GLYATL2: variants seen among roughly 807,000 people sequenced by gnomAD.
GLYATL2 encodes glycine-N-acyltransferase like 2, also known as glycine N-acyltransferase-like protein 2.
In GLYATL2, 25 loss-of-function variants were observed where a neutral mutation model predicts 21.4. The observed-to-expected ratio is 1.17, with a 90% CI of 0.85 to 1.63. The LOEUF (loss-of-function observed/expected upper bound fraction) is 1.63. Among genes scored for constraint, GLYATL2 ranks in the 40% most tolerant of loss-of-function variants. GLYATL2 has a pLI of 0.00. For synonymous variants in GLYATL2, 114 were observed against 118.2 expected (o/e 0.96, Z 0.23); for missense variants, 361 against 343.3 (o/e 1.05, Z -0.41).
At chr11:58,837,593 C>G (rs1853462694) in intron 3 of GLYATL2, among the ~76,000 whole-genome samples, 196 bp from the exon 4 acceptor site, 1 of 152,160 alleles carries the variant, frequency 6.6e-6, no homozygotes, top group African/African-American at 2.4e-5. Context: ...TTTTAGGGCA[C>G]TAAAGTGAGC....
chr11:58,854,464 C>T (rs1476824430), intron 1 of GLYATL2, among the ~76,000 whole-genome samples: 2 of 152,152 alleles, frequency 1.3e-5, no homozygotes, highest in Admixed American at 6.5e-5. Context: ...TAAAAAGTAC[C>T]TATAGTAATT....
chr11:58,885,777 ACACT>A (rs1354862952), intron 1 of GLYATL2, among the ~76,000 whole-genome samples: 7 of 152,196 alleles, frequency 4.6e-5, no homozygotes, highest in African/African-American at 1.7e-4. Flanking sequence ...GACAAGGCTG[ACACT>A]CACAGATTAA....
At chr11:58,849,657 G>T (rs561049484), upstream of GLYATL2, among the ~76,000 whole-genome samples, 8 of 152,294 alleles carry the variant, frequency 5.3e-5, no homozygotes, top group South Asian at 1.7e-3. Flanking sequence ...TCTGAAAAAT[G>T]CAGGAGAAGG....
intron 1 of GLYATL2, among the ~76,000 whole-genome samples, chr11:58,903,634 C>G (rs551776451): frequency 6.6e-6 from 1 of 152,166 alleles, no homozygotes; most frequent in Non-Finnish European, 1.5e-5. Flanking sequence ...GATTGTAACA[C>G]TGCACTCCAG....
At chr11:58,853,186 T>C (rs1267891279) in intron 1 of GLYATL2, among the ~76,000 whole-genome samples, 1 of 152,198 alleles carries the variant, frequency 6.6e-6, no homozygotes, top group Non-Finnish European at 1.5e-5. Flanking sequence ...TTTGAAGGAT[T>C]TGGGGCAATA....
chr11:58,893,126 A>C lies in GLYATL2; in HGVS notation n.60+11030T>G, dbSNP rs1324622938. 3 of 405,498 alleles carry C rather than the reference A, an allele frequency of 7.4e-6. No individual in the cohort carries two copies. The East Asian group carries it at 1.3e-4, about 17-fold the overall frequency. The allele number at this position is 405,498 out of a possible 1,614,324, so 25.1% of individuals were successfully genotyped here. A position where few individuals can be genotyped will look rare whatever the true frequency, so the allele number is the denominator to read the frequency against. Reference sequence around the variant, plus strand: ...GACAACTGGAGGCGAGGGAAGAATGAGAGGAGCCTTCCTTACATCAAGCGC... The same window carrying C: ...GACAACTGGAGGCGAGGGAAGAATGCGAGGAGCCTTCCTTACATCAAGCGC... On this transcript the variant is annotated intron_variant and non_coding_transcript_variant, in intron 1 of 4. Transcript: ENST00000533636.
chr11:58,843,179 G>A lies in GLYATL2; in HGVS notation c.-41+1255C>T, dbSNP rs1853583655. Among the ~76,000 whole-genome samples the A allele has an allele frequency of 2.0e-5, 3 of 152,164 alleles. No homozygotes were observed. In the South Asian group the frequency reaches 6.2e-4, roughly 31 times the overall value. On this transcript the variant is annotated intron_variant, in intron 1 of 5. Transcript: ENST00000287275. Reference sequence around the variant, plus strand: ...GAGTACACAGGGTTAGAAAAAAAGAGCAGAGAGTTGGCAAGTTATTTTTGA... The same window carrying A: ...GAGTACACAGGGTTAGAAAAAAAGAACAGAGAGTTGGCAAGTTATTTTTGA...
chr11:58,901,596 G>C (rs1480340447), intron 1 of GLYATL2, among the ~76,000 whole-genome samples: 1 of 151,744 alleles, frequency 6.6e-6, no homozygotes, highest in Non-Finnish European at 1.5e-5. Flanking sequence ...CCACCAAGAG[G>C]GAAAGGAATT....
chr11:58,896,133 G>A (rs1854630992), intron 1 of GLYATL2, among the ~76,000 whole-genome samples: 1 of 152,096 alleles, frequency 6.6e-6, no homozygotes, highest in African/African-American at 2.4e-5. Flanking sequence ...AGTATTACAG[G>A]CATGAGCTAC....
chr11:58,903,571 G>A (rs2134631734), intron 1 of GLYATL2, among the ~76,000 whole-genome samples: 4 of 152,218 alleles, frequency 2.6e-5, no homozygotes, highest in Admixed American at 2.6e-4. Context: ...TGCTCAGGAG[G>A]CTGAGGCATG....
chr11:58,849,939 A>G (rs1853710579), intron 1 of GLYATL2, among the ~76,000 whole-genome samples: 1 of 152,220 alleles, frequency 6.6e-6, no homozygotes, highest in East Asian at 1.9e-4. Flanking sequence ...GTATAATTAA[A>G]AAAAGATAAA....
At chr11:58,857,856 C>T (rs1853856787) in intron 1 of GLYATL2, among the ~76,000 whole-genome samples, 1 of 141,078 alleles carries the variant, frequency 7.1e-6, no homozygotes, top group East Asian at 2.1e-4. Flanking sequence ...CCTGACTTAC[C>T]TGCTACCCTC....
Position 58,834,411 on chromosome 11 carries a change from A to C in GLYATL2, c.*18T>G. The C allele has an allele frequency of 6.5e-7, 1 of 1,545,624 alleles. No individual in the cohort carries two copies. Among genetic ancestry groups the C allele is most frequent in the Non-Finnish European group, 8.7e-7 (1 of 1,148,552 alleles). ...TTTTTTACTGATAAGAAAGATTTGAAATGGACAGTGGAATCAATCAACAAT... is the reference window on the plus strand; with the variant it reads ...TTTTTTACTGATAAGAAAGATTTGACATGGACAGTGGAATCAATCAACAAT... On this transcript the variant is annotated 3_prime_UTR_variant, in exon 6 of 6. Transcript: ENST00000287275.
At chr11:58,843,984 G>A (rs1853598374) in intron 1 of GLYATL2, among the ~76,000 whole-genome samples, 1 of 152,084 alleles carries the variant, frequency 6.6e-6, no homozygotes, top group Non-Finnish European at 1.5e-5. Context: ...TTTGGCAGAG[G>A]GCAACAGAAA....
At chr11:58,905,723 GGTCATCTGGACAAATA>G, upstream of GLYATL2, 2 of 218,898 alleles carry the variant, frequency 9.1e-6, no homozygotes, top group Non-Finnish European at 9.4e-6. Context: ...GACCGGGATG[GGTCATCTGGACAAATA>G]GGGAGGGTGG....
intron 1 of GLYATL2, among the ~76,000 whole-genome samples, chr11:58,897,679 G>C (rs1030344436): frequency 6.6e-6 from 1 of 152,036 alleles, no homozygotes; most frequent in African/African-American, 2.4e-5. Context: ...ATGTGTTATA[G>C]GGCCTTGGTA....
chr11:58,889,115 C>T (rs1270703063), intron 1 of GLYATL2, among the ~76,000 whole-genome samples: 1 of 151,486 alleles, frequency 6.6e-6, no homozygotes, highest in Non-Finnish European at 1.5e-5. Flanking sequence ...ATTAAGTTTA[C>T]CCTTAAGTAT....
intron 1 of GLYATL2, among the ~76,000 whole-genome samples, chr11:58,869,319 G>A (rs1196605019): frequency 6.6e-6 from 1 of 152,220 alleles, no homozygotes; most frequent in African/African-American, 2.4e-5. Flanking sequence ...GGGTTTTTGT[G>A]CTGCTGTTCT....
chr11:58,846,022 T>A (rs1367334596), upstream of GLYATL2, among the ~76,000 whole-genome samples: 1 of 152,176 alleles, frequency 6.6e-6, no homozygotes, highest in Admixed American at 6.5e-5. Context: ...ATTTTACATA[T>A]TCATAATTGT....
Sources: allele counts gnomAD v4.1 joint callset (sites outside exome capture counted in the v4.1 genomes callset), GRCh38; gene constraint gnomAD v4.1.1; transcripts MANE v1.5; gene names NCBI Gene and HGNC (gene_info 2026-07-23, HGNC 2026-07-21).